CGGBP1: variants seen among roughly 807,000 people sequenced by gnomAD.
The protein encoded by CGGBP1 is CGG triplet repeat binding protein 1.
Under a neutral mutation model 11.4 loss-of-function variants are expected in CGGBP1, and 4 were observed. The ratio of observed to expected loss-of-function variants is 0.35; its 90% CI spans 0.17 to 0.80. The LOEUF (loss-of-function observed/expected upper bound fraction) is 0.80. Among genes scored for constraint, CGGBP1 ranks in the 30% least tolerant of loss-of-function variants. CGGBP1 has a pLI of 0.52. For synonymous variants in CGGBP1, 76 were observed against 74.1 expected (o/e 1.03, Z -0.13); for missense variants, 135 against 202.1 (o/e 0.67, Z 2.01).
intron 2 of CGGBP1, among the ~76,000 whole-genome samples, chr3:88,115,434 G>A (rs1297828027): frequency 6.6e-6 from 1 of 152,180 alleles, no homozygotes; most frequent in African/African-American, 2.4e-5. Context: ...GGTTAAATGA[G>A]TAAAGTGCTT....
chr3:88,070,056 T>C (rs374208991), intron 2 of CGGBP1, among the ~76,000 whole-genome samples: 12 of 152,334 alleles, frequency 7.9e-5, no homozygotes, highest in African/African-American at 2.2e-4. Context: ...ATATATTCCA[T>C]GCTCATGAGA....
At chr3:88,137,539 G>A (rs1706872076) in intron 2 of CGGBP1, among the ~76,000 whole-genome samples, 1 of 152,052 alleles carries the variant, frequency 6.6e-6, no homozygotes, top group Non-Finnish European at 1.5e-5. Context: ...CAGTTGGGGG[G>A]TGAGGACATA....
At chr3:88,085,109 T>C (rs1298580947) in intron 2 of CGGBP1, among the ~76,000 whole-genome samples, 1 of 152,220 alleles carries the variant, frequency 6.6e-6, no homozygotes, top group Non-Finnish European at 1.5e-5. Context: ...GAGAGACCCA[T>C]GGAAAATTGT....
intron 2 of CGGBP1, among the ~76,000 whole-genome samples, chr3:88,088,744 TTATGTATGTATG>T (rs10574923): frequency 2.7e-5 from 4 of 148,508 alleles, no homozygotes; most frequent in Admixed American, 6.7e-5. Flanking sequence ...AAACCTTTAT[TTATGTATGTATG>T]TATGTATGGA....
intron 2 of CGGBP1, among the ~76,000 whole-genome samples, chr3:88,108,179 C>G (rs1314883077): frequency 6.6e-6 from 1 of 151,256 alleles, no homozygotes; most frequent in Admixed American, 6.6e-5. Context: ...AGGTCACGAC[C>G]TACATGAGAA....
chr3:88,108,680 A>G (rs1052829433), intron 2 of CGGBP1, among the ~76,000 whole-genome samples: 2 of 152,302 alleles, frequency 1.3e-5, no homozygotes, highest in East Asian at 1.9e-4. Context: ...CAGATCAACT[A>G]TCATGAGTAT....
At chr3:88,124,772 GTTT>G (rs11287888) in intron 2 of CGGBP1, among the ~76,000 whole-genome samples, 1 of 147,072 alleles carries the variant, frequency 6.8e-6, no homozygotes. Context: ...ACAATACTCA[GTTT>G]TTTTTTTTTC....
chr3:88,106,079 C>T (rs376096559), intron 2 of CGGBP1, among the ~76,000 whole-genome samples: 11 of 152,170 alleles, frequency 7.2e-5, no homozygotes, highest in African/African-American at 2.2e-4. Context: ...AACCTGTTGG[C>T]GCTCTGATGA....
chr3:88,128,815 A>T, intron 2 of CGGBP1: 1 of 1,533,174 alleles, frequency 6.5e-7, no homozygotes. Flanking sequence ...ATAGTGAACA[A>T]ATATTTAAGT....
At position 88,140,728 on chromosome 3, in the gene CGGBP1, C is replaced by T. The variant is rs143384053; in HGVS notation, c.-229+242G>A. On this transcript the variant is annotated intron_variant, in intron 2 of 3. Transcript: ENST00000462901. ...AGTGTTGTACCACAAGAACACAACA[C>T]CTTGCCAGTATCTCAGGCACCTTCC... The T allele has an allele frequency of 2.0e-4, 321 of 1,613,692 alleles. No individual in the cohort carries two copies. In the African/African-American group the frequency reaches 3.6e-3, roughly 18 times the overall value.
intron 2 of CGGBP1, among the ~76,000 whole-genome samples, chr3:88,115,887 A>C (rs1263694076): frequency 1.3e-5 from 2 of 152,196 alleles, no homozygotes; most frequent in African/African-American, 4.8e-5. Context: ...ATAATGATAA[A>C]TGCTGGAAAT....
chr3:88,101,293 C>G (rs1370054771), intron 2 of CGGBP1, among the ~76,000 whole-genome samples: 1 of 152,160 alleles, frequency 6.6e-6, no homozygotes, highest in Non-Finnish European at 1.5e-5. Flanking sequence ...AGTGCCTACC[C>G]AGCTCAAGGC....
At chr3:88,116,553 CATAT>C (rs1044189533) in intron 2 of CGGBP1, among the ~76,000 whole-genome samples, 1 of 59,320 alleles carries the variant, frequency 1.7e-5, no homozygotes, top group Non-Finnish European at 4.1e-5. Context: ...TACATACATA[CATAT>C]ATATACACAC....
At chr3:88,107,681 G>A (rs1704828145) in intron 2 of CGGBP1, among the ~76,000 whole-genome samples, 1 of 152,012 alleles carries the variant, frequency 6.6e-6, no homozygotes, top group African/African-American at 2.4e-5. Context: ...TTGTCTTTCT[G>A]TAGGTACTCT....
Position 88,058,929 on chromosome 3 carries a change from G to C in CGGBP1, c.-445C>G. The C allele has an allele frequency of 5.2e-6, 1 of 193,532 alleles. No homozygotes were observed. Among genetic ancestry groups the C allele is most frequent in the Non-Finnish European group, 1.0e-5 (1 of 96,036 alleles). 12.0% of individuals were successfully genotyped at this position (193,532 alleles called of 1,614,324 possible). A position where few individuals can be genotyped will look rare whatever the true frequency, so the allele number is the denominator to read the frequency against. ...AGGAGGAGGATCCGTCGCTGCCGCC[G>C]TCGCCGCCGTTGCCCGATCGAGCCC... On this transcript the variant is annotated 5_prime_UTR_variant, in exon 1 of 4. Transcript: ENST00000482016.
intron 2 of CGGBP1, among the ~76,000 whole-genome samples, chr3:88,070,170 T>C (rs1263402904): frequency 6.6e-6 from 1 of 152,228 alleles, no homozygotes; most frequent in African/African-American, 2.4e-5. Flanking sequence ...TTGTACCTTT[T>C]GACTTAGTCA....
intron 2 of CGGBP1, among the ~76,000 whole-genome samples, chr3:88,087,521 A>G (rs1158045617): frequency 6.6e-6 from 1 of 152,260 alleles, no homozygotes; most frequent in Non-Finnish European, 1.5e-5. Flanking sequence ...GAAAATAAAT[A>G]GAGAAAGATT....
intron 2 of CGGBP1, among the ~76,000 whole-genome samples, chr3:88,101,795 G>T (rs557863197): frequency 1.3e-5 from 2 of 152,094 alleles, no homozygotes; most frequent in Non-Finnish European, 2.9e-5. Context: ...TCTTATGGGG[G>T]TAGCAGTTTC....
intron 2 of CGGBP1, among the ~76,000 whole-genome samples, chr3:88,099,449 C>CTT (rs1704267719): frequency 1.3e-5 from 2 of 152,182 alleles, no homozygotes; most frequent in South Asian, 4.1e-4. Flanking sequence ...CTACCAATGC[C>CTT]TTTCTTCACA....
Sources: gnomAD v4.1 joint callset for allele counts (sites outside exome capture counted in the v4.1 genomes callset) on GRCh38, gnomAD v4.1.1 for gene constraint, MANE v1.5 for transcripts, NCBI Gene and HGNC (gene_info 2026-07-23, HGNC 2026-07-21) for gene names.